PIGN: variants seen among roughly 807,000 people sequenced by gnomAD.
PIGN encodes GPI ethanolamine phosphate transferase 1.
PIGN carries 117 observed loss-of-function variants against 125.4 expected under a neutral mutation model. The observed-to-expected ratio is 0.93, with a 90% CI of 0.80 to 1.09. The LOEUF (loss-of-function observed/expected upper bound fraction) is 1.09, where lower values mean the gene tolerates loss of function less well. Ranked by LOEUF, PIGN falls within the 50% of genes least tolerant of loss-of-function variation. The probability of loss-of-function intolerance (pLI) is 0.00; values close to 1 mark genes in which losing one functional copy is unlikely to be tolerated. For synonymous variants in PIGN, 392 were observed against 377.8 expected (o/e 1.04, Z -0.44); for missense variants, 1,075 against 1,094.9 (o/e 0.98, Z 0.26).
At chr18:62,059,414 A>G (rs78148715) in intron 30 of PIGN, among the ~76,000 whole-genome samples, 302 of 152,292 alleles carry the variant, frequency 2.0e-3, no homozygotes, top group African/African-American at 7.0e-3. Flanking sequence ...TTTTATAAGC[A>G]TTATAGAAAG....
At chr18:62,036,945 T>C (rs562920756), downstream of PIGN, among the ~76,000 whole-genome samples, 96 of 152,276 alleles carry the variant, frequency 6.3e-4, no homozygotes, top group Non-Finnish European at 1.1e-3. Context: ...CCTCCTCAAT[T>C]ACAACACAAG....
At chr18:62,160,610 A>G (rs1430504683) in intron 4 of PIGN, among the ~76,000 whole-genome samples, 1 of 151,308 alleles carries the variant, frequency 6.6e-6, no homozygotes, top group East Asian at 1.9e-4. Context: ...TCTGCCTCGC[A>G]GGTTCTCCTG....
Position 62,177,399 on chromosome 18 carries a change from G to A in PIGN, c.-236+9445C>T, listed in dbSNP as rs550366617. 1.3e-3 allele frequency among the ~76,000 whole-genome samples: 199 copies of A among 152,080 alleles called. 1 individual carries two copies. Among genetic ancestry groups the A allele is most frequent in the African/African-American group, 3.9e-3 (161 of 41,498 alleles). ...ATATCTCTTTTGATGCTCTTATCTCGTTCATACATCACTTTCCTGACTTCC... is the reference window on the plus strand; with the variant it reads ...ATATCTCTTTTGATGCTCTTATCTCATTCATACATCACTTTCCTGACTTCC... On this transcript the variant is annotated intron_variant, in intron 1 of 30. Transcript: ENST00000640252.
chr18:62,104,337 A>G (rs1284535840), intron 20 of PIGN, among the ~76,000 whole-genome samples: 2 of 152,310 alleles, frequency 1.3e-5, no homozygotes, highest in East Asian at 1.9e-4. Flanking sequence ...CTGCTCAACT[A>G]TGGCAATACT....
rs148258018 is a variant in PIGN at position 62,056,111 on chromosome 18, A to G, written c.2673-10132T>C. ...ACTTTTGCACCAACCTAATAAGATC[A>G]GACTCTCCCAAAATAGAATAAGCAT... is the stretch of plus-strand genomic sequence containing the variant. On this transcript the variant is annotated intron_variant, in intron 30 of 30. Coordinates refer to ENST00000640252, the MANE Select transcript of PIGN (RefSeq NM_176787.5). Among the ~76,000 whole-genome samples, 242 of 148,990 alleles carry G rather than the reference A, an allele frequency of 1.6e-3. 1 individual carries two copies. Among genetic ancestry groups the G allele is most frequent in the African/African-American group, 5.1e-3 (208 of 40,768 alleles).
chr18:62,172,180 T>C (rs1213202554), intron 1 of PIGN, among the ~76,000 whole-genome samples: 2 of 152,132 alleles, frequency 1.3e-5, no homozygotes, highest in African/African-American at 4.8e-5. Context: ...ACTTCTTAAG[T>C]AAGCTTTCGT....
chr18:62,023,382 A>G (rs1437071909), intron 23 of PIGN, among the ~76,000 whole-genome samples: 1 of 152,214 alleles, frequency 6.6e-6, no homozygotes, highest in Non-Finnish European at 1.5e-5. Context: ...AAGGTCACCC[A>G]TGTGGTAGCA....
chr18:62,113,145 T>TACTA lies in PIGN; in HGVS notation c.1419_1422dup (p.Lys475Ter). 3.1e-6 allele frequency: 5 copies of TACTA among 1,607,246 alleles called. No homozygotes were observed. Among genetic ancestry groups the TACTA allele is most frequent in the Non-Finnish European group, 4.3e-6 (5 of 1,176,108 alleles). ...TTTTCTAAACGTACCTTCACTTCTT[T>TACTA]ACTAACACCTTTTATAAGGTTGGAA... On this transcript the variant is annotated stop_gained and frameshift_variant, in exon 16 of 31. Transcript: ENST00000640252. LOFTEE classifies it high-confidence loss of function.
intron 14 of PIGN, among the ~76,000 whole-genome samples, chr18:62,127,246 T>C (rs2035567691): frequency 6.6e-6 from 1 of 152,138 alleles, no homozygotes. Context: ...CTTAAGTCAA[T>C]TTCCATTTAC....
intron 24 of PIGN, among the ~76,000 whole-genome samples, chr18:62,090,067 C>T (rs1455614273): frequency 2.6e-5 from 4 of 152,158 alleles, no homozygotes; most frequent in Admixed American, 6.5e-5. Context: ...ACAATAGAAA[C>T]GTAAATGTCA....
Position 62,042,002 on chromosome 18 carries a change from A to C in PIGN, c.*3854T>G, listed in dbSNP as rs1217419481. 6.6e-6 allele frequency: 1 copy of C among 152,066 alleles called. No individual in the cohort carries two copies. The highest frequency in any genetic ancestry group is 1.5e-5 in the Non-Finnish European group (1 of 68,018). 9.4% of individuals were successfully genotyped at this position (152,066 alleles called of 1,614,324 possible). On this transcript the variant is annotated 3_prime_UTR_variant, in exon 31 of 31. Transcript: ENST00000640252. ...TACCTATTTAAGGTGGTTTGACTAG[A>C]TGTTTCTCAAATATATTTAATTAAG...
At chr18:62,135,114 T>C (rs1186961430) in intron 14 of PIGN, among the ~76,000 whole-genome samples, 1 of 152,236 alleles carries the variant, frequency 6.6e-6, no homozygotes, top group African/African-American at 2.4e-5. Context: ...TTATGAAATA[T>C]TTATTTTCTT....
intron 23 of PIGN, among the ~76,000 whole-genome samples, chr18:62,021,808 G>A (rs1156875601): frequency 6.6e-6 from 1 of 152,120 alleles, no homozygotes; most frequent in Non-Finnish European, 1.5e-5. Context: ...TGGCAAGTGG[G>A]ACTATTTGGG....
Position 62,140,439 on chromosome 18 carries a change from G to C in PIGN, c.1004C>G (p.Pro335Arg), listed in dbSNP as rs753868318. 1 of 1,540,478 alleles carries C rather than the reference G, an allele frequency of 6.5e-7. No homozygotes were observed. The highest frequency in any genetic ancestry group is 1.8e-5 in the Admixed American group (1 of 55,796). The change falls in exon 12 of 31, where the codon CCC becomes CGC. Residue 335 changes from proline (P) to arginine (R), a missense_variant. This residue lies in a region of PIGN where 915 missense variants were observed against 908.7 expected (regional missense o/e 1.01). Transcript: ENST00000640252. Reference sequence around the variant, plus strand: ...CCTTACCACTGAGTTAAGAGGAAAGGGAACTCCAATAAGGGAAGTCATCAA... The same window carrying C: ...CCTTACCACTGAGTTAAGAGGAAAGCGAACTCCAATAAGGGAAGTCATCAA... ...APLMTSLIGV[P>R]FPLNSVGILP... is the part of the protein sequence containing the mutation.
At chr18:62,023,410 C>T (rs1321147603) in intron 23 of PIGN, among the ~76,000 whole-genome samples, 1 of 152,194 alleles carries the variant, frequency 6.6e-6, no homozygotes, top group Non-Finnish European at 1.5e-5. Flanking sequence ...GCACTTCAGT[C>T]CTTTTTATCA....
chr18:62,145,828 G>A (rs1303410968), intron 10 of PIGN, 81 bp downstream of exon 10: 1 of 708,226 alleles, frequency 1.4e-6, no homozygotes. Flanking sequence ...ACTAAAATTT[G>A]AAGAGTGATT....
intron 5 of PIGN, 93 bp from the exon 6 acceptor site, chr18:62,157,320 C>G: frequency 1.6e-6 from 1 of 620,710 alleles, no homozygotes; most frequent in Admixed American, 2.9e-5. Flanking sequence ...TTACATTAGT[C>G]AGTGAATAAA....
intron 30 of PIGN, among the ~76,000 whole-genome samples, chr18:62,048,760 G>C (rs925034543): frequency 2.7e-5 from 4 of 148,538 alleles, no homozygotes; most frequent in Admixed American, 1.4e-4. Flanking sequence ...GTGCAGGTTA[G>C]TTACATATGT....
chr18:62,168,665 T>C (rs1240718928), intron 1 of PIGN, among the ~76,000 whole-genome samples: 1 of 152,188 alleles, frequency 6.6e-6, no homozygotes, highest in Non-Finnish European at 1.5e-5. Context: ...ACCATCCATA[T>C]TCCAATTTTG....
Sources: gnomAD v4.1 joint callset for allele counts (sites outside exome capture counted in the v4.1 genomes callset) on GRCh38, gnomAD v4.1.1 for gene constraint, gnomAD v4.1.1 regional missense constraint, MANE v1.5 for transcripts, NCBI Gene and HGNC (gene_info 2026-07-23, HGNC 2026-07-21) for gene names.